Variants in LTBP1 observed in about 807,000 individuals in gnomAD.
The protein encoded by LTBP1 is latent transforming growth factor beta binding protein 1.
In LTBP1, 129 loss-of-function variants were observed where a neutral mutation model predicts 207.6. The ratio of observed to expected loss-of-function variants is 0.62; its 90% CI spans 0.54 to 0.72. The LOEUF (loss-of-function observed/expected upper bound fraction) is 0.72, where lower values mean the gene tolerates loss of function less well. Ranked by LOEUF, LTBP1 falls within the 30% of genes least tolerant of loss-of-function variation. LTBP1 has a pLI of 0.00. For missense variants in LTBP1, 2,281 were observed against 2,217.2 expected, an observed-to-expected ratio of 1.03 and a Z score of -0.58; for synonymous variants, 963 against 833.7, an observed-to-expected ratio of 1.16 and a Z score of -2.67.
chr2:32,983,261 C>G (rs190364323), intron 2 of LTBP1, among the ~76,000 whole-genome samples: 120 of 152,288 alleles, frequency 7.9e-4, no homozygotes, highest in African/African-American at 2.6e-3. Flanking sequence ...ATTGTAGGCC[C>G]TTTGTTTTGG....
At chr2:33,316,504 C>T (rs2094274890) in intron 24 of LTBP1, among the ~76,000 whole-genome samples, 1 of 152,156 alleles carries the variant, frequency 6.6e-6, no homozygotes, top group East Asian at 1.9e-4. Flanking sequence ...AATTACTCTC[C>T]TGCTGAGCAG....
chr2:33,261,878 G>A (rs2093021038), intron 13 of LTBP1, among the ~76,000 whole-genome samples: 1 of 152,238 alleles, frequency 6.6e-6, no homozygotes, highest in African/African-American at 2.4e-5. Flanking sequence ...GAGGTTAACA[G>A]AGGCCAGAGG....
intron 7 of LTBP1, among the ~76,000 whole-genome samples, chr2:33,203,847 T>C (rs1476916888): frequency 6.6e-6 from 1 of 152,220 alleles, no homozygotes; most frequent in African/African-American, 2.4e-5. Context: ...TAAGATTTTA[T>C]GGTCACTGTG....
chr2:33,262,734 T>C lies in LTBP1; in HGVS notation c.2431T>C (p.Leu811=), dbSNP rs746463228. Residue 811 remains leucine, a synonymous_variant, in exon 14 of 34, where the codon TTG becomes CTG. Coordinates refer to ENST00000404816, the MANE Select transcript of LTBP1 (RefSeq NM_206943.4). ...TAPPEKEIPS[L]DQEKTKLEPG... ...TACAACCATCCAGGAAATACCTTCA[T>C]TGGATCAAGAGAAAACCAAACTTGA... 43 of 1,591,958 alleles carry C rather than the reference T, an allele frequency of 2.7e-5. No homozygotes were observed. The highest frequency in any genetic ancestry group is 1.6e-4 in the East Asian group (7 of 44,518).
At chr2:33,353,428 G>A (rs1367320585) in intron 26 of LTBP1, among the ~76,000 whole-genome samples, 1 of 152,192 alleles carries the variant, frequency 6.6e-6, no homozygotes, top group Non-Finnish European at 1.5e-5. Flanking sequence ...GTGGCTAACA[G>A]TCTCTGCGTC....
chr2:33,269,410 T>C (rs1044522155), intron 15 of LTBP1, among the ~76,000 whole-genome samples: 5 of 152,060 alleles, frequency 3.3e-5, no homozygotes, highest in Admixed American at 1.3e-4. Context: ...GGAGCAGATA[T>C]AGTAGGGAAG....
At chr2:33,269,988 C>T (rs2093279740) in intron 15 of LTBP1, among the ~76,000 whole-genome samples, 2 of 138,648 alleles carry the variant, frequency 1.4e-5, no homozygotes, top group East Asian at 4.3e-4. Context: ...TTTTTTGAGG[C>T]AAAGTCTCGC....
At chr2:33,280,838 G>A (rs1257346440) in intron 19 of LTBP1, among the ~76,000 whole-genome samples, 1 of 152,150 alleles carries the variant, frequency 6.6e-6, no homozygotes, top group Non-Finnish European at 1.5e-5. Context: ...GAAGGCCGAG[G>A]CACGAGGATC....
At chr2:33,353,645 G>A (rs1035481753) in intron 26 of LTBP1, among the ~76,000 whole-genome samples, 1 of 152,096 alleles carries the variant, frequency 6.6e-6, no homozygotes, top group African/African-American at 2.4e-5. Context: ...GCACACTTAA[G>A]TGGGGAAATG....
At chr2:32,962,104 T>A (rs923401329) in intron 2 of LTBP1, among the ~76,000 whole-genome samples, 6 of 152,178 alleles carry the variant, frequency 3.9e-5, no homozygotes, top group Admixed American at 3.9e-4. Flanking sequence ...AATGTACCCA[T>A]TTTCAATGAG....
intron 26 of LTBP1, among the ~76,000 whole-genome samples, chr2:33,356,235 G>T (rs930945968): frequency 6.6e-6 from 1 of 152,216 alleles, no homozygotes; most frequent in Non-Finnish European, 1.5e-5. Flanking sequence ...GGACAGGGAA[G>T]CAATCGTGAT....
chr2:33,169,151 C>G (rs1385346317), intron 5 of LTBP1, among the ~76,000 whole-genome samples: 1 of 152,032 alleles, frequency 6.6e-6, no homozygotes, highest in African/African-American at 2.4e-5. Flanking sequence ...TTTTATAGAC[C>G]CTATTTCATT....
chr2:33,277,848 TA>T (rs1169725225), intron 18 of LTBP1, among the ~76,000 whole-genome samples: 4 of 135,518 alleles, frequency 3.0e-5, no homozygotes, highest in African/African-American at 8.7e-5. Flanking sequence ...TTTTTTTTTT[TA>T]AAGACAGTCT....
chr2:33,039,079 A>C (rs563662794), intron 3 of LTBP1, among the ~76,000 whole-genome samples: 1 of 152,322 alleles, frequency 6.6e-6, no homozygotes, highest in African/African-American at 2.4e-5. Context: ...GGCAGTCTCT[A>C]GCTCTCACAA....
chr2:33,072,696 G>A (rs79651178), intron 3 of LTBP1, among the ~76,000 whole-genome samples: 277 of 152,256 alleles, frequency 1.8e-3, no homozygotes, highest in Non-Finnish European at 3.0e-3. Flanking sequence ...AAGGACTATG[G>A]GAGTTACGAG....
chr2:33,319,403 GA>G lies in LTBP1; in HGVS notation c.3730+4145del, dbSNP rs375481134. ...ACAAGAGTGAAACTACATCTCAAAA[GA>G]AAAAAAAAAATCCTTATCATTGCAT... On this transcript the variant is annotated intron_variant, in intron 24 of 33. Transcript: ENST00000404816. Among the ~76,000 whole-genome samples the G allele has an allele frequency of 2.5e-3, 368 of 144,742 alleles. 5 individuals are homozygous for G. The highest frequency in any genetic ancestry group is 0.014 in the Middle Eastern group (4 of 282). 95.0% of individuals were successfully genotyped at this position (144,742 alleles called of 152,430 possible).
At chr2:33,354,085 G>C (rs577157968) in intron 26 of LTBP1, among the ~76,000 whole-genome samples, 1 of 151,160 alleles carries the variant, frequency 6.6e-6, no homozygotes, top group South Asian at 2.1e-4. Flanking sequence ...GGATGGTCTC[G>C]ATCTCCTGAC....
chr2:33,314,712 A>G, intron 23 of LTBP1, among the ~76,000 whole-genome samples: 1 of 152,246 alleles, frequency 6.6e-6, no homozygotes, highest in East Asian at 1.9e-4. Flanking sequence ...CTTGCCCTTA[A>G]GAAGCCCACA....
At chr2:32,976,464 A>G (rs1681797468) in intron 2 of LTBP1, among the ~76,000 whole-genome samples, 1 of 152,166 alleles carries the variant, frequency 6.6e-6, no homozygotes. Flanking sequence ...AAAATATTTT[A>G]CCATTGTATT....
Sources: gnomAD v4.1 joint callset for allele counts (sites outside exome capture counted in the v4.1 genomes callset) on GRCh38, gnomAD v4.1.1 for gene constraint, MANE v1.5 for transcripts, NCBI Gene and HGNC (gene_info 2026-07-23, HGNC 2026-07-21) for gene names.